FYB1: variants seen among roughly 807,000 people sequenced by gnomAD.
The protein encoded by FYB1 is FYN binding protein 1.
A neutral mutation model predicts 94.1 loss-of-function variants in FYB1; 41 were observed. The ratio of observed to expected loss-of-function variants is 0.44; its 90% CI spans 0.34 to 0.57. The LOEUF is 0.57. Among genes scored for constraint, FYB1 ranks in the 20% least tolerant of loss-of-function variants. The pLI, the probability that FYB1 is intolerant of heterozygous loss-of-function variation, is 0.02. For synonymous variants in FYB1, 367 were observed against 353.2 expected, an observed-to-expected ratio of 1.04 and a Z score of -0.44; for missense variants, 1,050 against 976.8, an observed-to-expected ratio of 1.07 and a Z score of -1.00.
chr5:39,108,047 C>T (rs1473747144), intron 18 of FYB1, among the ~76,000 whole-genome samples, 184 bp downstream of exon 18: 1 of 151,628 alleles, frequency 6.6e-6, no homozygotes, highest in Non-Finnish European at 1.5e-5. Flanking sequence ...CTTAATTTTC[C>T]ATCTTGTGGG....
At chr5:39,268,526 T>C (rs772471695) in intron 1 of FYB1, among the ~76,000 whole-genome samples, 1 of 152,160 alleles carries the variant, frequency 6.6e-6, no homozygotes, top group Non-Finnish European at 1.5e-5. Context: ...GCCTGACCAT[T>C]ATCTATATTT....
At chr5:39,200,428 T>C (rs1252857714) in intron 2 of FYB1, among the ~76,000 whole-genome samples, 1 of 152,222 alleles carries the variant, frequency 6.6e-6, no homozygotes. Flanking sequence ...ACTCCTTCCC[T>C]GGTGTGAAGT....
At chr5:39,255,079 C>T (rs538367173) in intron 1 of FYB1, among the ~76,000 whole-genome samples, 54 of 151,996 alleles carry the variant, frequency 3.6e-4, no homozygotes, top group Middle Eastern at 3.2e-3. Context: ...CTTATATTTT[C>T]GGAACAATTT....
intron 1 of FYB1, among the ~76,000 whole-genome samples, chr5:39,259,313 A>G (rs913027584): frequency 6.6e-6 from 1 of 152,236 alleles, no homozygotes; most frequent in African/African-American, 2.4e-5. Flanking sequence ...GAAACCCTGG[A>G]CTAAGTACAG....
In FYB1 at chr5:39,217,682, G is replaced by C. The variant is rs1204926784; in HGVS notation, c.-28+1761C>G. 2.6e-5 allele frequency among the ~76,000 whole-genome samples: 4 copies of C among 152,266 alleles called. No homozygotes were observed. In the East Asian group the frequency reaches 5.8e-4, roughly 22 times the overall value. ...GTGGCAGAGACCACCTTCAAGCTCA[G>C]GATCTTGATTCTGGAGTCACAGTCT... On this transcript the variant is annotated intron_variant, in intron 1 of 18. Transcript: ENST00000512982.
intron 1 of FYB1, among the ~76,000 whole-genome samples, chr5:39,243,513 T>C (rs1192550846): frequency 6.6e-6 from 1 of 151,046 alleles, no homozygotes; most frequent in African/African-American, 2.4e-5. Context: ...TCTGTTTTGG[T>C]ACCAGTACCA....
At chr5:39,271,954 G>GAC (rs1434888899) in intron 1 of FYB1, among the ~76,000 whole-genome samples, 2 of 152,126 alleles carry the variant, frequency 1.3e-5, no homozygotes, top group African/African-American at 4.8e-5. Flanking sequence ...TTGAAATGGA[G>GAC]ACATTCTTTA....
intron 1 of FYB1, among the ~76,000 whole-genome samples, chr5:39,272,393 G>A (rs534839919): frequency 3.1e-4 from 47 of 152,092 alleles, no homozygotes; most frequent in African/African-American, 1.1e-3. Context: ...GCCCGGGCGC[G>A]GTGGCTCATG....
chr5:39,159,993 C>T (rs941280660), intron 2 of FYB1, among the ~76,000 whole-genome samples: 2 of 152,138 alleles, frequency 1.3e-5, no homozygotes, highest in Non-Finnish European at 2.9e-5. Flanking sequence ...TGTTCCTCTT[C>T]TTCATGGCCA....
At chr5:39,253,374 G>C (rs374791106) in intron 1 of FYB1, among the ~76,000 whole-genome samples, 1 of 148,840 alleles carries the variant, frequency 6.7e-6, no homozygotes, top group South Asian at 2.1e-4. Flanking sequence ...ACTGCCAAAA[G>C]CCATCTGGGG....
chr5:39,261,750 AAAAAGAAAAG>A (rs111800452), intron 1 of FYB1, among the ~76,000 whole-genome samples: 1 of 151,736 alleles, frequency 6.6e-6, no homozygotes. Context: ...CTGTCTCAAA[AAAAAGAAAAG>A]AAAAGAAAAG....
chr5:39,123,483 T>A (rs1352371203), intron 13 of FYB1, among the ~76,000 whole-genome samples: 1 of 152,190 alleles, frequency 6.6e-6, no homozygotes, highest in African/African-American at 2.4e-5. Context: ...GAGTTAATTT[T>A]TTTGAATACT....
chr5:39,212,931 T>C (rs1488205294), intron 1 of FYB1: 1 of 151,910 alleles, frequency 6.6e-6, no homozygotes, highest in African/African-American at 2.4e-5. Flanking sequence ...CTAAATCTAG[T>C]GTGTGGCACT....
intron 1 of FYB1, among the ~76,000 whole-genome samples, chr5:39,267,358 TATCATCATCATCATCATC>T (rs10658182): frequency 2.1e-5 from 3 of 145,200 alleles, no homozygotes; most frequent in Non-Finnish European, 3.0e-5. Flanking sequence ...GTGGGATAGC[TATCATCATCATCATCATC>T]ATCATCATCA....
intron 18 of FYB1, 73 bp from the exon 19 acceptor site, chr5:39,107,538 G>A (rs1164011368): frequency 5.3e-5 from 56 of 1,052,612 alleles, no homozygotes; most frequent in Non-Finnish European, 2.8e-6. Context: ...GTTTGGAAAT[G>A]TGGGTGATTC....
chr5:39,152,771 A>T (rs548177545), intron 3 of FYB1, among the ~76,000 whole-genome samples: 2 of 152,374 alleles, frequency 1.3e-5, no homozygotes, highest in East Asian at 3.9e-4. Flanking sequence ...AGCAGGCTTG[A>T]ATAAAAGTTT....
chr5:39,210,189 G>A (rs1053420906), intron 1 of FYB1, among the ~76,000 whole-genome samples: 2 of 152,188 alleles, frequency 1.3e-5, no homozygotes, highest in Non-Finnish European at 2.9e-5. Context: ...AGGTGGAACT[G>A]CAACAACCCC....
chr5:39,197,350 C>A (rs777802510), intron 2 of FYB1, among the ~76,000 whole-genome samples: 1 of 151,996 alleles, frequency 6.6e-6, no homozygotes, highest in African/African-American at 2.4e-5. Context: ...TCTAATTATA[C>A]CATGCAGCAA....
At chr5:39,244,999 T>G (rs1008119549) in intron 1 of FYB1, among the ~76,000 whole-genome samples, 1 of 152,200 alleles carries the variant, frequency 6.6e-6, no homozygotes, top group Non-Finnish European at 1.5e-5. Flanking sequence ...CCCTTTATCA[T>G]TTTTTATTGT....
Sources: allele counts gnomAD v4.1 joint callset (sites outside exome capture counted in the v4.1 genomes callset), GRCh38; gene constraint gnomAD v4.1.1; transcripts MANE v1.5; gene names NCBI Gene and HGNC (gene_info 2026-07-23, HGNC 2026-07-21).